Variants in KCNK10 observed in about 807,000 individuals in gnomAD.
KCNK10 encodes the protein potassium two pore domain channel subfamily K member 10, also known as potassium channel subfamily K member 10.
In KCNK10, 25 loss-of-function variants were observed where a neutral mutation model predicts 47.7. That is an observed-to-expected ratio of 0.52 (90% CI 0.38 to 0.73). The LOEUF (loss-of-function observed/expected upper bound fraction) is 0.73, where lower values mean the gene tolerates loss of function less well. Among genes scored for constraint, KCNK10 ranks in the 30% least tolerant of loss-of-function variants. KCNK10 has a pLI of 0.00. For missense variants in KCNK10, 563 were observed against 714.5 expected, an observed-to-expected ratio of 0.79 and a Z score of 2.42; for synonymous variants, 303 against 285.6, an observed-to-expected ratio of 1.06 and a Z score of -0.61.
Position 88,252,482 on chromosome 14 carries a change from G to A in KCNK10, c.402+10720C>T, listed in dbSNP as rs147721270. On this transcript the variant is annotated intron_variant, in intron 2 of 6. Transcript: ENST00000319231. ...CAGAAGGGCAGAGCCACAGCCTTGG[G>A]AAATGTTTATGGGTCATGCAAATTA... Among the ~76,000 whole-genome samples the A allele has an allele frequency of 1.7e-3, 253 of 152,276 alleles. 1 individual carries two copies. Among genetic ancestry groups the A allele is most frequent in the African/African-American group, 5.6e-3 (231 of 41,568 alleles).
rs746086569 is a variant in KCNK10, at chr14:88,263,467, G to A, written c.137C>T (p.Pro46Leu). The A allele has an allele frequency of 2.5e-5, 40 of 1,613,956 alleles. No homozygotes were observed. The highest frequency in any genetic ancestry group is 3.1e-5 in the Non-Finnish European group (37 of 1,180,054). Residue 46 changes from proline (P) to leucine (L), a missense_variant, in exon 2 of 7, where the codon CCG (proline) becomes CTG (leucine). Coordinates refer to ENST00000319231, the MANE Select transcript of KCNK10 (RefSeq NM_138317.3). ...QPPAPAPTPT[P>L]RLSISSRATV... Reference sequence around the variant, plus strand: ...GGCTCGGGAGGAAATGGACAGGCGCGGAGTTGGAGTCGGAGCCGGAGCCGG... The same window carrying A: ...GGCTCGGGAGGAAATGGACAGGCGCAGAGTTGGAGTCGGAGCCGGAGCCGG...
chr14:88,324,194 T>C (rs377574153), upstream of KCNK10, among the ~76,000 whole-genome samples: 2 of 152,328 alleles, frequency 1.3e-5, no homozygotes, highest in Non-Finnish European at 2.9e-5. Context: ...CCCAGACCTG[T>C]TCCCGGAAAG....
At chr14:88,231,193 C>T (rs143862855) in intron 3 of KCNK10, among the ~76,000 whole-genome samples, 19 of 152,154 alleles carry the variant, frequency 1.2e-4, no homozygotes, top group Non-Finnish European at 2.5e-4. Flanking sequence ...GGCGCGAGGA[C>T]CATTTGAGCT....
Position 88,181,389 on chromosome 14 carries a change from G to GGTGT in KCNK10, c.*4142_*4145dup, listed in dbSNP as rs36106355. ...AGAACCCAAAGCAGCCATTTCCTCA[G>GGTGT]GTGTGTGTGTGTGTGTGTATGTGTG... On this transcript the variant is annotated 3_prime_UTR_variant, in exon 7 of 7. Transcript: ENST00000319231. 0.027 allele frequency: 4,045 copies of GGTGT among 149,508 alleles called. 60 individuals carry two copies. Among genetic ancestry groups the GGTGT allele is most frequent in the Non-Finnish European group, 0.041 (2,777 of 67,392 alleles). The allele number at this position is 149,508 out of a possible 1,614,324, so 9.3% of individuals were successfully genotyped here. A position where few individuals can be genotyped will look rare whatever the true frequency, so the allele number is the denominator to read the frequency against.
At chr14:88,236,131 C>T (rs1054243356) in intron 3 of KCNK10, among the ~76,000 whole-genome samples, 1 of 152,094 alleles carries the variant, frequency 6.6e-6, no homozygotes, top group African/African-American at 2.4e-5. Flanking sequence ...GTCTGGGCAA[C>T]ACAGCAAGAC....
intron 2 of KCNK10, among the ~76,000 whole-genome samples, chr14:88,251,442 A>C (rs181991002): frequency 6.6e-6 from 1 of 152,134 alleles, no homozygotes; most frequent in Non-Finnish European, 1.5e-5. Context: ...ATGGGGGGCA[A>C]ATGGTGCCAA....
chr14:88,324,058 T>C (rs1457501012), upstream of KCNK10, among the ~76,000 whole-genome samples: 1 of 152,126 alleles, frequency 6.6e-6, no homozygotes, highest in Non-Finnish European at 1.5e-5. Flanking sequence ...CCGCTGGTCG[T>C]TGGCTGGAAA....
intron 1 of KCNK10, among the ~76,000 whole-genome samples, chr14:88,295,157 C>A (rs1282814938): frequency 1.3e-5 from 2 of 152,182 alleles, no homozygotes; most frequent in Non-Finnish European, 1.5e-5. Context: ...GGTTATTGTT[C>A]TGGCCATTCA....
At chr14:88,298,364 C>CT (rs1888029591) in intron 1 of KCNK10, among the ~76,000 whole-genome samples, 1 of 152,194 alleles carries the variant, frequency 6.6e-6, no homozygotes, top group Non-Finnish European at 1.5e-5. Flanking sequence ...TGTGGACTGC[C>CT]TCTGTTCTTT....
At chr14:88,289,720 G>A (rs924527924) in intron 1 of KCNK10, among the ~76,000 whole-genome samples, 1 of 152,144 alleles carries the variant, frequency 6.6e-6, no homozygotes. Context: ...TTAGCTCTGT[G>A]GCCTTGAGAA....
chr14:88,247,063 T>A (rs1416766178), intron 2 of KCNK10, among the ~76,000 whole-genome samples: 3 of 152,160 alleles, frequency 2.0e-5, no homozygotes, highest in Admixed American at 6.5e-5. Context: ...ACAGTACACA[T>A]CTGGTGCGCA....
Position 88,207,681 on chromosome 14 carries a change from T to G in KCNK10, c.682-15271A>C, listed in dbSNP as rs184731963. Among the ~76,000 whole-genome samples the G allele has an allele frequency of 8.5e-5, 13 of 152,324 alleles. No homozygotes were observed. The East Asian group carries it at 2.3e-3, about 27-fold the overall frequency. On this transcript the variant is annotated intron_variant, in intron 4 of 6. Coordinates refer to ENST00000319231, the MANE Select transcript of KCNK10 (RefSeq NM_138317.3). ...CTAGCAATGTTCATTCATTGATTCA[T>G]CAAGTATGGATTAAGTGCTCTCTGG...
chr14:88,252,776 C>T (rs1330334749), intron 2 of KCNK10, among the ~76,000 whole-genome samples: 1 of 152,144 alleles, frequency 6.6e-6, no homozygotes, highest in East Asian at 1.9e-4. Context: ...ATCTGGCACC[C>T]CAGCCTTGTC....
In KCNK10 at chr14:88,185,522, A is replaced by T. The variant is rs747885302; in HGVS notation, c.*13T>A. On this transcript the variant is annotated 3_prime_UTR_variant, in exon 7 of 7. Coordinates refer to ENST00000319231, the MANE Select transcript of KCNK10 (RefSeq NM_138317.3). This position sits in a 1 kb window ranked among gnomAD's most constrained non-coding sequence, Gnocchi z 4.3. ...ACACACAACGCTCAGTCCAAGACCA[A>T]TGTCCTTCACATTTAGTTTCTGTCT... 3 of 1,609,246 alleles carry T rather than the reference A, an allele frequency of 1.9e-6. No homozygotes were observed. Among genetic ancestry groups the T allele is most frequent in the Non-Finnish European group, 1.7e-6 (2 of 1,176,866 alleles).
At chr14:88,210,195 T>C (rs183273647) in intron 4 of KCNK10, among the ~76,000 whole-genome samples, 3 of 152,306 alleles carry the variant, frequency 2.0e-5, no homozygotes, top group Admixed American at 1.3e-4. Flanking sequence ...TGAGGTCACA[T>C]AGCTGATAAG....
chr14:88,182,036 GCACACACACACA>G lies in KCNK10; in HGVS notation c.*3487_*3498del, dbSNP rs372506756. 0.035 allele frequency: 4,788 copies of G among 137,104 alleles called. 238 individuals carry two copies. The highest frequency in any genetic ancestry group is 0.11 in the African/African-American group (3,922 of 36,796). The allele number at this position is 137,104 out of a possible 1,614,324, so 8.5% of individuals were successfully genotyped here. On this transcript the variant is annotated 3_prime_UTR_variant, in exon 7 of 7. Coordinates refer to ENST00000319231, the MANE Select transcript of KCNK10 (RefSeq NM_138317.3). Reference sequence around the variant, plus strand: ...AGATGGCCCAACACCACCCCAACCCGCACACACACACACACACACACACACACACACACACAC... The same window carrying G: ...AGATGGCCCAACACCACCCCAACCCGCACACACACACACACACACACACAC...
chr14:88,275,757 C>T (rs1337836355), intron 1 of KCNK10, among the ~76,000 whole-genome samples: 1 of 149,392 alleles, frequency 6.7e-6, no homozygotes, highest in Non-Finnish European at 1.5e-5. Context: ...ATCTAAGCTA[C>T]TTGGGAGGCT....
intron 1 of KCNK10, among the ~76,000 whole-genome samples, chr14:88,273,117 C>G (rs772429125): frequency 3.3e-5 from 5 of 152,052 alleles, no homozygotes; most frequent in Admixed American, 6.5e-5. Context: ...AGCCACAGGA[C>G]TGGATGAAGT....
intron 1 of KCNK10, among the ~76,000 whole-genome samples, chr14:88,316,783 T>C (rs1888438460): frequency 6.6e-6 from 1 of 152,252 alleles, no homozygotes; most frequent in South Asian, 2.1e-4. Context: ...ATTTTATCAT[T>C]AAACTCTTCC....
Sources: allele counts gnomAD v4.1 joint callset (sites outside exome capture counted in the v4.1 genomes callset), GRCh38; gene constraint gnomAD v4.1.1; non-coding constraint Gnocchi (gnomAD v3.1); transcripts MANE v1.5; gene names NCBI Gene and HGNC (gene_info 2026-07-23, HGNC 2026-07-21).